ZNF608: variants seen among roughly 807,000 people sequenced by gnomAD.
The protein encoded by ZNF608 is renal carcinoma antigen NY-REN-36.
A neutral mutation model predicts 109.0 loss-of-function variants in ZNF608; 12 were observed. The observed-to-expected ratio is 0.11, with a 90% CI of 0.07 to 0.18. The LOEUF is 0.18. Among genes scored for constraint, ZNF608 ranks in the 10% least tolerant of loss-of-function variants. The pLI, the probability that ZNF608 is intolerant of heterozygous loss-of-function variation, is 1.00. For synonymous variants in ZNF608, 732 were observed against 717.4 expected (o/e 1.02, Z -0.33); for missense variants, 1,707 against 1,879.3 (o/e 0.91, Z 1.70).
At position 124,668,208 on chromosome 5, in the gene ZNF608, A is replaced by ATC. The variant is rs1167781657; in HGVS notation, c.1163-18512_1163-18511insGA. On this transcript the variant is annotated intron_variant, in intron 3 of 9. Transcript: ENST00000513986. The stretch of plus-strand genomic sequence containing the variant: ...TCTATGCTTAAAAATATATATATAT[A>ATC]TATATATATTATATATATATATATT... Among the ~76,000 whole-genome samples the ATC allele has an allele frequency of 6.9e-5, 10 of 144,224 alleles. No individual in the cohort carries two copies. The South Asian group carries it at 1.3e-3, about 18-fold the overall frequency. The allele number at this position is 144,224 out of a possible 152,430, so 94.6% of individuals were successfully genotyped here. A position where few individuals can be genotyped will look rare whatever the true frequency, so the allele number is the denominator to read the frequency against.
At chr5:124,669,853 C>G (rs1030244842) in intron 3 of ZNF608, among the ~76,000 whole-genome samples, 1 of 152,162 alleles carries the variant, frequency 6.6e-6, no homozygotes, top group African/African-American at 2.4e-5. Flanking sequence ...ACTAGGCTAA[C>G]AGACTTTAAA....
At chr5:124,675,922 A>G (rs1043898350) in intron 3 of ZNF608, among the ~76,000 whole-genome samples, 15 of 152,298 alleles carry the variant, frequency 9.8e-5, no homozygotes, top group African/African-American at 3.1e-4. Context: ...TAGGAGAGAG[A>G]CTATTTTGGA....
intron 3 of ZNF608, among the ~76,000 whole-genome samples, chr5:124,699,620 T>C (rs916472969): frequency 6.6e-6 from 1 of 152,226 alleles, no homozygotes; most frequent in African/African-American, 2.4e-5. Context: ...TCTACAAATA[T>C]TTTTATTTAA....
rs1194738297 is a variant in ZNF608, at chr5:124,742,654, T to G, written c.906+1430A>C. ...GTACCTGACCAAGAGGATATGAATT[T>G]ATAAGCGTTTGGAGGCATTTTGCAA... is the stretch of plus-strand genomic sequence containing the variant. On this transcript the variant is annotated intron_variant, in intron 2 of 9. Coordinates refer to ENST00000513986, the MANE Select transcript of ZNF608 (RefSeq NM_020747.3). Among the ~76,000 whole-genome samples the G allele has an allele frequency of 2.0e-5, 3 of 152,216 alleles. No homozygotes were observed. In the East Asian group the frequency reaches 5.8e-4, roughly 29 times the overall value.
chr5:124,742,162 C>G (rs1749439037), intron 2 of ZNF608, among the ~76,000 whole-genome samples: 1 of 152,108 alleles, frequency 6.6e-6, no homozygotes, highest in African/African-American at 2.4e-5. Context: ...CATTCTTCAC[C>G]CAGTTTCCTC....
intron 3 of ZNF608, among the ~76,000 whole-genome samples, chr5:124,664,955 C>G (rs1329173266): frequency 6.6e-6 from 1 of 152,078 alleles, no homozygotes; most frequent in African/African-American, 2.4e-5. Context: ...GTGGATGGAT[C>G]ACGAGGTCAG....
intron 2 of ZNF608, among the ~76,000 whole-genome samples, chr5:124,729,543 C>T (rs1159282389): frequency 6.6e-6 from 1 of 152,152 alleles, no homozygotes; most frequent in African/African-American, 2.4e-5. Flanking sequence ...AAAAATTACT[C>T]CTCTTGTAGG....
At chr5:124,674,394 C>CCTA (rs1322934637) in intron 3 of ZNF608, among the ~76,000 whole-genome samples, 4 of 152,118 alleles carry the variant, frequency 2.6e-5, no homozygotes, top group African/African-American at 4.8e-5. Flanking sequence ...TTTTAACTTG[C>CCTA]CTAGGTGATT....
At chr5:124,718,843 A>G (rs1218439236) in intron 2 of ZNF608, among the ~76,000 whole-genome samples, 1 of 152,264 alleles carries the variant, frequency 6.6e-6, no homozygotes, top group Non-Finnish European at 1.5e-5. Flanking sequence ...AGCCTTCTCC[A>G]TGTCCCTTTT....
chr5:124,708,858 CA>C, intron 2 of ZNF608: 1 of 435,792 alleles, frequency 2.3e-6, no homozygotes, highest in South Asian at 1.6e-5. Context: ...GAACCCCCAC[CA>C]TGCCAAAATT....
rs751886552 is a variant in ZNF608, at chr5:124,644,456, T to A, written c.3911A>T (p.Gln1304Leu). ...TTTCAGCTTGCTCTCCTCCATTGATTGAGAATCAGGATGCTTGGCCTCTTT... is the reference window on the plus strand; with the variant it reads ...TTTCAGCTTGCTCTCCTCCATTGATAGAGAATCAGGATGCTTGGCCTCTTT... ...EPKEAKHPDS[Q>L]SMEESKLKND... The change falls in exon 6 of 10, where the codon CAA becomes CTA. Residue 1304 changes from glutamine (Q) to leucine (L), a missense_variant. Gln to Leu is a moderately radical substitution (Grantham distance 113, BLOSUM62 -2). Around this residue, in one of 7 missense-constraint regions of ZNF608, gnomAD observed 1,073 missense variants for 1,133.5 expected, o/e 0.95. Transcript: ENST00000513986. 6.2e-7 allele frequency: 1 copy of A among 1,614,188 alleles called. No individual in the cohort carries two copies. The highest frequency in any genetic ancestry group is 1.1e-5 in the South Asian group (1 of 91,082).
intron 3 of ZNF608, among the ~76,000 whole-genome samples, chr5:124,677,066 C>T (rs1751976946): frequency 6.6e-6 from 1 of 152,222 alleles, no homozygotes; most frequent in South Asian, 2.1e-4. Flanking sequence ...ATATCTTATG[C>T]ATATGTTTTA....
intron 5 of ZNF608, 25 bp from the exon 6 acceptor site, chr5:124,644,686 A>T (rs1341501285): frequency 6.6e-7 from 1 of 1,516,448 alleles, no homozygotes. Flanking sequence ...TTAAAGAAAA[A>T]AAACCCAACA....
chr5:124,644,313 G>A lies in ZNF608; in HGVS notation c.4054C>T (p.Pro1352Ser). 1.2e-6 allele frequency: 2 copies of A among 1,614,134 alleles called. No individual in the cohort carries two copies. Among genetic ancestry groups the A allele is most frequent in the Non-Finnish European group, 1.7e-6 (2 of 1,180,012 alleles). The change falls in exon 6 of 10, where the codon CCA becomes TCA. Residue 1352 changes from proline to serine, a missense_variant. By Grantham distance (74) the Pro-to-Ser change is moderately conservative. Transcript: ENST00000513986. ...YIQYLHAYPY[P>S]QMYDPSHPAY... ...GGATGGCTGGGGTCGTACATCTGTG[G>A]GTAAGGATAAGCATGCAAGTACTGT...
intron 3 of ZNF608, among the ~76,000 whole-genome samples, chr5:124,652,071 A>G (rs1479076894): frequency 6.6e-6 from 1 of 152,274 alleles, no homozygotes; most frequent in Non-Finnish European, 1.5e-5. Flanking sequence ...ATACAGGCTC[A>G]AGGGAAACCT....
intron 2 of ZNF608, among the ~76,000 whole-genome samples, chr5:124,718,827 C>T (rs972794440): frequency 5.9e-5 from 9 of 152,202 alleles, no homozygotes; most frequent in Non-Finnish European, 1.3e-4. Flanking sequence ...TGAATAAAGA[C>T]AGGCAAGCCT....
chr5:124,637,787 A>G lies in ZNF608; in HGVS notation c.*113T>C, dbSNP rs1214242456. The G allele has an allele frequency of 3.3e-5, 35 of 1,054,538 alleles. No individual in the cohort carries two copies. In the Middle Eastern group the frequency reaches 3.8e-3, roughly 114 times the overall value. 65.3% of individuals were successfully genotyped at this position (1,054,538 alleles called of 1,614,324 possible). On this transcript the variant is annotated 3_prime_UTR_variant, in exon 10 of 10. Coordinates refer to ENST00000513986, the MANE Select transcript of ZNF608 (RefSeq NM_020747.3). ...ATCTGTAATTTACAAAAATGAAATG[A>G]CTGGTTTTTGCCTGCCATTAAGGCA...
Position 124,647,983 on chromosome 5 carries a change from C to G in ZNF608, c.2401G>C (p.Val801Leu). Residue 801 changes from valine to leucine, a missense_variant, in exon 5 of 10, where the codon GTG (valine) becomes CTG (leucine). Physicochemically the swap from Val to Leu is conservative, Grantham distance 32 (BLOSUM62 1). This residue lies in a region of ZNF608 where 1,073 missense variants were observed against 1,133.5 expected (regional missense o/e 0.95). Coordinates refer to ENST00000513986, the MANE Select transcript of ZNF608 (RefSeq NM_020747.3). ...TTGAGTGACACCAGAGCTGGGTTCA[C>G]GGTGATGGGCTCTCCCATAATTGTG... ...KPTIMGEPITVNPALVSLKDK... is the reference protein window; with the variant it reads ...KPTIMGEPITLNPALVSLKDK... 6.2e-7 allele frequency: 1 copy of G among 1,614,210 alleles called. No homozygotes were observed. Among genetic ancestry groups the G allele is most frequent in the Non-Finnish European group, 8.5e-7 (1 of 1,180,044 alleles).
Position 124,653,787 on chromosome 5 carries a change from T to C in ZNF608, c.1163-4090A>G, listed in dbSNP as rs200403778. 1.1e-4 allele frequency among the ~76,000 whole-genome samples: 16 copies of C among 152,188 alleles called. No individual in the cohort carries two copies. In the East Asian group the frequency reaches 3.1e-3, roughly 29 times the overall value. ...TATGGAAGTTCCAAAGAACTGGCAATAGGAGTAGAAGCCTAAAGCTTGCAA... is the reference window on the plus strand; with the variant it reads ...TATGGAAGTTCCAAAGAACTGGCAACAGGAGTAGAAGCCTAAAGCTTGCAA... On this transcript the variant is annotated intron_variant, in intron 3 of 9. Transcript: ENST00000513986.
Sources: gnomAD v4.1 joint callset for allele counts (sites outside exome capture counted in the v4.1 genomes callset) on GRCh38, gnomAD v4.1.1 for gene constraint, gnomAD v4.1.1 regional missense constraint, MANE v1.5 for transcripts, NCBI Gene and HGNC (gene_info 2026-07-23, HGNC 2026-07-21) for gene names.